Variants in SEMA3D observed in about 807,000 individuals in gnomAD.
The protein encoded by SEMA3D is semaphorin-3D.
Under a neutral mutation model 100.1 loss-of-function variants are expected in SEMA3D, and 84 were observed. The observed-to-expected ratio is 0.84, with a 90% CI of 0.70 to 1.01. SEMA3D has a LOEUF of 1.01. Ranked by LOEUF, SEMA3D falls within the 50% of genes least tolerant of loss-of-function variation. The pLI is 0.00. For missense variants in SEMA3D, 875 were observed against 934.1 expected (o/e 0.94, Z 0.82); for synonymous variants, 312 against 320.7 (o/e 0.97, Z 0.29).
intron 10 of SEMA3D, 142 bp downstream of exon 10, chr7:85,042,029 G>A (rs1457930196): frequency 5.9e-6 from 4 of 673,620 alleles, no homozygotes; most frequent in African/African-American, 5.4e-5. Context: ...TGTACTTTGC[G>A]TGTGAATTTT....
At chr7:85,110,624 A>G (rs1254456606) in intron 3 of SEMA3D, among the ~76,000 whole-genome samples, 1 of 152,022 alleles carries the variant, frequency 6.6e-6, no homozygotes, top group African/African-American at 2.4e-5. Context: ...ACATGTTCTA[A>G]ATGTACCCTG....
chr7:85,079,073 T>C (rs1285625786), intron 5 of SEMA3D, among the ~76,000 whole-genome samples: 1 of 152,168 alleles, frequency 6.6e-6, no homozygotes, highest in Non-Finnish European at 1.5e-5. Context: ...GGAGCAAGCT[T>C]TTTGGATTCA....
rs149888411 is a variant in SEMA3D at position 85,065,425 on chromosome 7, A to G, written c.717T>C (p.Asn239=). ...AGTAAACAAAAAAAAATCACAAACCATTGAGCCAGTAGTGCTCTGAAATGT... is the reference window on the plus strand; with the variant it reads ...AGTAAACAAAAAAAAATCACAAACCGTTGAGCCAGTAGTGCTCTGAAATGT... ...RTDISEHYWL[N]GAKFIGTFFI... is the part of the protein sequence containing the mutation. Residue 239 remains asparagine, a splice_region_variant and synonymous_variant, in exon 8 of 19, where the codon AAT becomes AAC. Transcript: ENST00000284136. 1.2e-4 allele frequency: 194 copies of G among 1,612,872 alleles called. 1 individual carries two copies. The African/African-American group carries it at 2.3e-3, about 19-fold the overall frequency.
Position 85,142,449 on chromosome 7 carries a change from AG to A in SEMA3D, c.-41+11158del, listed in dbSNP as rs1790080189. On this transcript the variant is annotated intron_variant, in intron 2 of 18. Transcript: ENST00000284136. ...AAAGATGTCATAATTTATTTATAAA[AG>A]ACACAGATTACATCAGGGAAATAAG... The A allele has an allele frequency of 3.1e-6, 3 of 958,704 alleles. No homozygotes were observed. In the South Asian group the frequency reaches 1.4e-4, roughly 46 times the overall value. The allele number at this position is 958,704 out of a possible 1,614,324, so 59.4% of individuals were successfully genotyped here.
At chr7:85,173,602 G>T (rs1791145141) in intron 1 of SEMA3D, among the ~76,000 whole-genome samples, 1 of 152,140 alleles carries the variant, frequency 6.6e-6, no homozygotes, top group African/African-American at 2.4e-5. Context: ...CAGACGAATG[G>T]AGTGGGAATT....
the SEMA3D span, among the ~76,000 whole-genome samples, chr7:85,221,228 T>A: frequency 0.13 from 20,105 of 152,040 alleles, 2,902 homozygotes; most frequent in African/African-American, 0.36. Flanking sequence ...AAGGAAAATA[T>A]AAGTAAAAAG....
chr7:85,128,789 T>G (rs1789636412), intron 2 of SEMA3D, among the ~76,000 whole-genome samples: 1 of 151,518 alleles, frequency 6.6e-6, no homozygotes, highest in Admixed American at 6.6e-5. Flanking sequence ...AGTTAGTGGC[T>G]CCATGGTCTC....
intron 4 of SEMA3D, among the ~76,000 whole-genome samples, chr7:85,095,605 T>A (rs967563665): frequency 2.0e-5 from 3 of 152,082 alleles, no homozygotes; most frequent in Non-Finnish European, 4.4e-5. Context: ...AAACCTAAAG[T>A]ACTGCATTTT....
At chr7:85,067,510 A>G (rs890009615) in intron 7 of SEMA3D, among the ~76,000 whole-genome samples, 1 of 151,642 alleles carries the variant, frequency 6.6e-6, no homozygotes, top group Non-Finnish European at 1.5e-5. Flanking sequence ...AACATTTGAC[A>G]GACAAGTTAA....
At chr7:85,069,651 G>C (rs1791718620) in intron 6 of SEMA3D, among the ~76,000 whole-genome samples, 1 of 152,092 alleles carries the variant, frequency 6.6e-6, no homozygotes, top group Admixed American at 6.5e-5. Context: ...ACCTGTCTGA[G>C]CTACACAGAT....
the SEMA3D span, among the ~76,000 whole-genome samples, chr7:85,196,906 T>C: frequency 5.3e-5 from 8 of 152,226 alleles, no homozygotes; most frequent in African/African-American, 1.9e-4. Flanking sequence ...GTAAAACCAC[T>C]TTGGAAAACC....
intron 9 of SEMA3D, among the ~76,000 whole-genome samples, chr7:85,051,956 C>CT (rs1791177015): frequency 6.6e-6 from 1 of 151,870 alleles, no homozygotes; most frequent in Non-Finnish European, 1.5e-5. Context: ...TATTTGAACA[C>CT]TAACATCTAC....
intron 1 of SEMA3D, chr7:85,159,818 T>G (rs916326956): frequency 1.0e-6 from 1 of 984,150 alleles, no homozygotes; most frequent in African/African-American, 1.7e-5. Context: ...CAGTGCATAC[T>G]CTTTCCTTCA....
At chr7:85,199,674 T>C in the SEMA3D span, among the ~76,000 whole-genome samples, 4 of 152,250 alleles carry the variant, frequency 2.6e-5, no homozygotes, top group Non-Finnish European at 1.5e-5. Context: ...TTCTAGATTA[T>C]GAGCCAGTTT....
Position 85,135,171 on chromosome 7 carries a change from G to A in SEMA3D, c.-40-13240C>T, listed in dbSNP as rs907707946. Among the ~76,000 whole-genome samples the A allele has an allele frequency of 3.3e-5, 5 of 151,772 alleles. No individual in the cohort carries two copies. In the South Asian group the frequency reaches 1.0e-3, roughly 32 times the overall value. ...TTTTCTTTGAAATTTAGCAGGTAAC[G>A]GCAACTTTGCTATGTTTTTGCATTT... is the stretch of plus-strand genomic sequence containing the variant. On this transcript the variant is annotated intron_variant, in intron 2 of 18. Transcript: ENST00000284136.
Position 85,104,773 on chromosome 7 carries a change from T to C in SEMA3D, c.152-6808A>G, listed in dbSNP as rs528033732. On this transcript the variant is annotated intron_variant, in intron 3 of 18. Coordinates refer to ENST00000284136, the MANE Select transcript of SEMA3D (RefSeq NM_001384900.1). ...CAGTTTCTCTCACGAGAAGACTACATAGATTAAAAAAAAAAGAAAAGAAAA... is the reference window on the plus strand; with the variant it reads ...CAGTTTCTCTCACGAGAAGACTACACAGATTAAAAAAAAAAGAAAAGAAAA... Among the ~76,000 whole-genome samples, 5 of 150,474 alleles carry C rather than the reference T, an allele frequency of 3.3e-5. No homozygotes were observed. The East Asian group carries it at 9.8e-4, about 30-fold the overall frequency.
chr7:85,155,382 T>C (rs764180999), intron 1 of SEMA3D, among the ~76,000 whole-genome samples: 1 of 152,128 alleles, frequency 6.6e-6, no homozygotes, highest in Non-Finnish European at 1.5e-5. Flanking sequence ...ACTTATCCAT[T>C]AGAGTTTAGT....
rs193075811 is a variant in SEMA3D at position 85,005,815 on chromosome 7, G to A, written c.1908+987C>T. Among the ~76,000 whole-genome samples the A allele has an allele frequency of 1.9e-3, 291 of 151,974 alleles. 1 individual carries two copies. The highest frequency in any genetic ancestry group is 6.7e-3 in the African/African-American group (277 of 41,476). On this transcript the variant is annotated intron_variant, in intron 18 of 18. Transcript: ENST00000284136. ...ATGTTCAAAAATGTCTCCAGACATC[G>A]CCCAATATTGGCACTCTGGAAACAA...
intron 2 of SEMA3D, among the ~76,000 whole-genome samples, chr7:85,150,187 C>T (rs887701365): frequency 2.0e-5 from 3 of 150,980 alleles, no homozygotes; most frequent in Admixed American, 6.6e-5. Flanking sequence ...GTTGTCAGGA[C>T]ATAAATACTT....
Sources: allele counts gnomAD v4.1 joint callset (sites outside exome capture counted in the v4.1 genomes callset), GRCh38; gene constraint gnomAD v4.1.1; transcripts MANE v1.5; gene names NCBI Gene and HGNC (gene_info 2026-07-23, HGNC 2026-07-21).